The following SGIP1 variants were observed in gnomAD, a reference collection of about 807,000 sequenced individuals.
SGIP1 encodes SH3GL interacting endocytic adaptor 1, also known as SH3-containing GRB2-like protein 3-interacting protein 1.
A neutral mutation model predicts 107.5 loss-of-function variants in SGIP1; 38 were observed. That is an observed-to-expected ratio of 0.35 (90% CI 0.27 to 0.46). The LOEUF (loss-of-function observed/expected upper bound fraction) is 0.46. Ranked by LOEUF, SGIP1 falls within the 20% of genes least tolerant of loss-of-function variation. SGIP1 has a pLI of 1.00. For synonymous variants in SGIP1, 365 were observed against 366.1 expected (o/e 1.00, Z 0.03); for missense variants, 929 against 1,019.5 (o/e 0.91, Z 1.21).
chr1:66,714,451 T>A (rs2093112548), intron 18 of SGIP1, among the ~76,000 whole-genome samples: 1 of 152,190 alleles, frequency 6.6e-6, no homozygotes. Context: ...CATACATTAT[T>A]GTTATTTAGT....
At chr1:66,560,765 C>T (rs926792954) in intron 1 of SGIP1, among the ~76,000 whole-genome samples, 4 of 152,002 alleles carry the variant, frequency 2.6e-5, no homozygotes, top group Admixed American at 2.0e-4. Context: ...CTCTGAAGCC[C>T]AACTACCTGG....
At chr1:66,721,335 C>G (rs564855937) in intron 19 of SGIP1, among the ~76,000 whole-genome samples, 1 of 152,222 alleles carries the variant, frequency 6.6e-6, no homozygotes, top group Non-Finnish European at 1.5e-5. Context: ...AAATTTATCA[C>G]TGACTACTGA....
intron 18 of SGIP1, among the ~76,000 whole-genome samples, chr1:66,698,765 A>G (rs1179256937): frequency 1.3e-5 from 2 of 152,134 alleles, no homozygotes; most frequent in Admixed American, 6.5e-5. Context: ...AGATATTTTC[A>G]TGACAAATAT....
chr1:66,628,287 T>C (rs2073417892), intron 2 of SGIP1, among the ~76,000 whole-genome samples: 1 of 152,130 alleles, frequency 6.6e-6, no homozygotes, highest in African/African-American at 2.4e-5. Flanking sequence ...GAATATGTGA[T>C]GATGCCTTCA....
chr1:66,736,439 AAT>A (rs1441216164), intron 21 of SGIP1, among the ~76,000 whole-genome samples: 1 of 127,384 alleles, frequency 7.9e-6, no homozygotes, highest in Non-Finnish European at 1.7e-5. Flanking sequence ...ATTATATGTG[AAT>A]ATAATATATT....
At chr1:66,684,454 T>TAATA (rs1167918103) in intron 15 of SGIP1, among the ~76,000 whole-genome samples, 2 of 152,198 alleles carry the variant, frequency 1.3e-5, no homozygotes, top group South Asian at 2.1e-4. Context: ...CCTGTAAAGA[T>TAATA]AATAAAGAAC....
At chr1:66,620,352 A>G (rs532298478) in intron 1 of SGIP1, among the ~76,000 whole-genome samples, 40 of 152,306 alleles carry the variant, frequency 2.6e-4, no homozygotes, top group South Asian at 6.2e-4. Flanking sequence ...TTGACCTGCA[A>G]TCTATCATAA....
chr1:66,729,723 T>A (rs2093921256), intron 20 of SGIP1, among the ~76,000 whole-genome samples: 1 of 152,260 alleles, frequency 6.6e-6, no homozygotes. Context: ...TTACTCATTA[T>A]CAACAGACAG....
chr1:66,687,442 A>G (rs1240568843), intron 15 of SGIP1, among the ~76,000 whole-genome samples: 1 of 152,162 alleles, frequency 6.6e-6, no homozygotes, highest in Non-Finnish European at 1.5e-5. Context: ...CTGTCAAAAC[A>G]TACCTTTTTT....
chr1:66,675,144 G>A (rs925216165), intron 12 of SGIP1, among the ~76,000 whole-genome samples: 4 of 152,152 alleles, frequency 2.6e-5, no homozygotes, highest in African/African-American at 7.2e-5. Flanking sequence ...ACCTACATCT[G>A]CCCGTTTAAG....
chr1:66,640,905 G>A (rs1287166658), intron 5 of SGIP1, among the ~76,000 whole-genome samples: 1 of 151,992 alleles, frequency 6.6e-6, no homozygotes, highest in East Asian at 1.9e-4. Context: ...CTTATACGCA[G>A]AATCTAAAAA....
chr1:66,534,262 C>A lies in SGIP1; in HGVS notation c.-97C>A. ...CTTTGACAGCGGACGGAATAGACCT[C>A]AGCAGCGGCGTGGTGAGGACTTAGC... On this transcript the variant is annotated 5_prime_UTR_variant, in exon 1 of 25. Transcript: ENST00000371037. 7.6e-7 allele frequency: 1 copy of A among 1,323,208 alleles called. No homozygotes were observed. The highest frequency in any genetic ancestry group is 1.1e-6 in the Non-Finnish European group (1 of 916,100). The allele number at this position is 1,323,208 out of a possible 1,614,324, so 82.0% of individuals were successfully genotyped here.
At chr1:66,628,842 C>T (rs1318741686) in intron 2 of SGIP1, among the ~76,000 whole-genome samples, 1 of 81,224 alleles carries the variant, frequency 1.2e-5, no homozygotes, top group South Asian at 1.0e-3. Flanking sequence ...TCCCAAGTAT[C>T]CTTCCTTAAC....
At chr1:66,574,283 G>A (rs1286743002) in intron 1 of SGIP1, among the ~76,000 whole-genome samples, 3 of 152,058 alleles carry the variant, frequency 2.0e-5, no homozygotes, top group African/African-American at 7.2e-5. Context: ...ACTGTGTTGT[G>A]TGGCACACCT....
intron 5 of SGIP1, among the ~76,000 whole-genome samples, chr1:66,641,663 G>A (rs2076824625): frequency 6.6e-6 from 1 of 152,160 alleles, no homozygotes. Flanking sequence ...ATGTGGCTCA[G>A]TGAGGTAAAA....
At chr1:66,658,610 G>C (rs1232841869) in intron 7 of SGIP1, among the ~76,000 whole-genome samples, 1 of 152,188 alleles carries the variant, frequency 6.6e-6, no homozygotes, top group Non-Finnish European at 1.5e-5. Context: ...AACATGTGTT[G>C]AGTGCCTCAC....
intron 1 of SGIP1, among the ~76,000 whole-genome samples, chr1:66,596,883 A>C (rs748007713): frequency 6.6e-6 from 1 of 152,162 alleles, no homozygotes; most frequent in Non-Finnish European, 1.5e-5. Context: ...TATCAAATAA[A>C]GGCAATTATT....
intron 1 of SGIP1, among the ~76,000 whole-genome samples, chr1:66,558,370 C>T (rs1252177149): frequency 6.6e-6 from 1 of 151,918 alleles, no homozygotes; most frequent in African/African-American, 2.4e-5. Flanking sequence ...TTGCACCAAG[C>T]TCCACAGATT....
chr1:66,734,070 T>C (rs922963737), intron 21 of SGIP1, among the ~76,000 whole-genome samples, 190 bp downstream of exon 21: 1 of 152,212 alleles, frequency 6.6e-6, no homozygotes, highest in Non-Finnish European at 1.5e-5. Flanking sequence ...TACATATTCT[T>C]ATTAGTTTAA....
Sources: allele counts gnomAD v4.1 joint callset (sites outside exome capture counted in the v4.1 genomes callset), GRCh38; gene constraint gnomAD v4.1.1; transcripts MANE v1.5; gene names NCBI Gene and HGNC (gene_info 2026-07-23, HGNC 2026-07-21).